The following OTUD7A variants were observed in gnomAD, a reference collection of about 807,000 sequenced individuals.
OTUD7A encodes OTU domain-containing protein 7A.
Under a neutral mutation model 65.7 loss-of-function variants are expected in OTUD7A, and 12 were observed. The ratio of observed to expected loss-of-function variants is 0.18; its 90% confidence interval spans 0.12 to 0.30. The LOEUF (loss-of-function observed/expected upper bound fraction) is 0.30, where lower values mean the gene tolerates loss of function less well. OTUD7A is among the 10% of genes least tolerant of loss of function. The probability of loss-of-function intolerance (pLI) is 1.00; values close to 1 mark genes in which losing one functional copy is unlikely to be tolerated. For missense variants in OTUD7A, 1,148 were observed against 1,304.8 expected (o/e 0.88, Z 1.85); for synonymous variants, 641 against 586.3 (o/e 1.09, Z -1.35).
intron 1 of OTUD7A, among the ~76,000 whole-genome samples, chr15:31,791,086 G>T (rs1397441421): frequency 2.6e-5 from 4 of 152,138 alleles, no homozygotes; most frequent in Non-Finnish European, 5.9e-5. Flanking sequence ...GAGTGCAGTG[G>T]CTCGATCTCG....
chr15:31,773,394 T>C (rs1156535955), intron 1 of OTUD7A, among the ~76,000 whole-genome samples: 25 of 152,204 alleles, frequency 1.6e-4, no homozygotes, highest in Admixed American at 1.6e-3. Context: ...CCATGTCTGA[T>C]AAGGGCCTGC....
chr15:31,797,664 G>A (rs552747297), intron 1 of OTUD7A, among the ~76,000 whole-genome samples: 15 of 152,302 alleles, frequency 9.8e-5, no homozygotes, highest in African/African-American at 1.4e-4. Context: ...GGAGTCGCCC[G>A]CCTTCACTCC....
At chr15:31,641,202 C>T (rs1203826914) in intron 3 of OTUD7A, among the ~76,000 whole-genome samples, 2 of 152,122 alleles carry the variant, frequency 1.3e-5, no homozygotes, top group Non-Finnish European at 2.9e-5. Flanking sequence ...TGCTTGCACT[C>T]ACTCCATCCT....
chr15:31,831,744 GC>G (rs1300427019), intron 1 of OTUD7A, among the ~76,000 whole-genome samples: 1 of 152,220 alleles, frequency 6.6e-6, no homozygotes, highest in African/African-American at 2.4e-5. Context: ...CAGGATTCTA[GC>G]CACAGGAAAG....
chr15:31,572,618 T>G (rs1451833965), intron 3 of OTUD7A, among the ~76,000 whole-genome samples: 1 of 152,204 alleles, frequency 6.6e-6, no homozygotes, highest in African/African-American at 2.4e-5. Flanking sequence ...CAGAGAGGGA[T>G]GAGCTGCTTT....
At chr15:31,656,128 G>C (rs1347872009) in intron 2 of OTUD7A, among the ~76,000 whole-genome samples, 3 of 152,130 alleles carry the variant, frequency 2.0e-5, no homozygotes, top group Non-Finnish European at 4.4e-5. Flanking sequence ...AGATTTCCCA[G>C]GCAGCATGAT....
chr15:31,848,448 T>C (rs1897339518), intron 1 of OTUD7A, among the ~76,000 whole-genome samples: 1 of 148,792 alleles, frequency 6.7e-6, no homozygotes, highest in Non-Finnish European at 1.5e-5. Context: ...TGCTTTTTAT[T>C]TTTAAAAAAA....
At chr15:31,511,734 C>G (rs908880989) in intron 8 of OTUD7A, among the ~76,000 whole-genome samples, 1 of 146,486 alleles carries the variant, frequency 6.8e-6, no homozygotes, top group Non-Finnish European at 1.5e-5. Context: ...CTATATGTAA[C>G]ACACATATAT....
rs1888995514 is a variant in OTUD7A at position 31,570,010 on chromosome 15, A to G, written c.331+8T>C. The G allele has an allele frequency of 1.9e-6, 3 of 1,613,542 alleles. No individual in the cohort carries two copies. Among genetic ancestry groups the G allele is most frequent in the Non-Finnish European group, 2.5e-6 (3 of 1,180,006 alleles). On this transcript the variant is annotated splice_region_variant and intron_variant, in intron 4 of 12. Coordinates refer to ENST00000307050, the MANE Select transcript of OTUD7A (RefSeq NM_001382637.1). ...CGGCTGTGCCTAGGCTCAGTCCCTC[A>G]GCGGTACCTTGGGCAATGTCGTCCT...
At chr15:31,625,375 A>G (rs1890921046) in intron 3 of OTUD7A, among the ~76,000 whole-genome samples, 1 of 151,964 alleles carries the variant, frequency 6.6e-6, no homozygotes, top group Admixed American at 6.6e-5. Flanking sequence ...TGACTAGTAC[A>G]CCACAATATC....
chr15:31,766,656 C>T, intron 1 of OTUD7A: 14 of 1,601,104 alleles, frequency 8.7e-6, no homozygotes, highest in Non-Finnish European at 1.2e-5. Flanking sequence ...AACTCTGAGA[C>T]CTTCAAAGCT....
chr15:31,774,964 T>C (rs1895335197), intron 1 of OTUD7A, among the ~76,000 whole-genome samples: 1 of 83,380 alleles, frequency 1.2e-5, no homozygotes, highest in African/African-American at 4.9e-5. Flanking sequence ...ACAGTTTTGA[T>C]TGAAAAGATA....
intron 10 of OTUD7A, among the ~76,000 whole-genome samples, chr15:31,491,310 A>G (rs911143930): frequency 2.0e-5 from 3 of 152,248 alleles, no homozygotes; most frequent in African/African-American, 7.2e-5. Flanking sequence ...CATACAGAAC[A>G]AATCTATGAG....
intron 1 of OTUD7A, among the ~76,000 whole-genome samples, chr15:31,780,723 T>G (rs1359703997): frequency 1.3e-5 from 2 of 152,222 alleles, no homozygotes; most frequent in Non-Finnish European, 1.5e-5. Context: ...GCCTTCTGTA[T>G]TGGAGAAAGG....
intron 1 of OTUD7A, among the ~76,000 whole-genome samples, chr15:31,791,152 G>A (rs1255801306): frequency 1.3e-5 from 2 of 151,964 alleles, no homozygotes; most frequent in Admixed American, 6.6e-5. Context: ...TCAGCCTCCC[G>A]AGTAGCTGGG....
At chr15:31,733,090 T>C (rs559837200) in intron 1 of OTUD7A, among the ~76,000 whole-genome samples, 64 of 152,338 alleles carry the variant, frequency 4.2e-4, no homozygotes, top group Admixed American at 9.8e-4. Flanking sequence ...AGCCCGAGTT[T>C]CAGTCCTGAC....
intron 3 of OTUD7A, among the ~76,000 whole-genome samples, chr15:31,592,121 G>C (rs1889744597): frequency 6.6e-6 from 1 of 152,208 alleles, no homozygotes; most frequent in Non-Finnish European, 1.5e-5. Flanking sequence ...CAGTGAGTGA[G>C]AGGTGAGTGA....
chr15:31,850,933 C>G (rs140847075), intron 1 of OTUD7A, among the ~76,000 whole-genome samples: 1 of 152,164 alleles, frequency 6.6e-6, no homozygotes, highest in African/African-American at 2.4e-5. Flanking sequence ...TAAGAGCCAA[C>G]AGACACAGAA....
rs1304415868 is a variant in OTUD7A at position 31,475,728 on chromosome 15, T to C, written c.*7566A>G. 6.6e-6 allele frequency: 1 copy of C among 152,198 alleles called. No homozygotes were observed. Among genetic ancestry groups the C allele is most frequent in the East Asian group, 1.9e-4 (1 of 5,208 alleles). The allele number at this position is 152,198 out of a possible 1,614,324, so 9.4% of individuals were successfully genotyped here. A position where few individuals can be genotyped will look rare whatever the true frequency, so the allele number is the denominator to read the frequency against. On this transcript the variant is annotated 3_prime_UTR_variant, in exon 13 of 13. Coordinates refer to ENST00000307050, the MANE Select transcript of OTUD7A (RefSeq NM_001382637.1). ...GATTGAAAAGGATATTTGCATTGAA[T>C]TGGAATTAACACCTGCAGGTAGAAA...
Sources: allele counts gnomAD v4.1 joint callset (sites outside exome capture counted in the v4.1 genomes callset), GRCh38; gene constraint gnomAD v4.1.1; transcripts MANE v1.5; gene names NCBI Gene and HGNC (gene_info 2026-07-23, HGNC 2026-07-21).